The following CCDC91 variants were observed in gnomAD, a reference collection of about 807,000 sequenced individuals.
CCDC91 encodes the protein coiled-coil domain-containing protein 91.
In CCDC91, 48 loss-of-function variants were observed where a neutral mutation model predicts 63.2. The ratio of observed to expected loss-of-function variants is 0.76; its 90% CI spans 0.60 to 0.97. The LOEUF is 0.97. CCDC91 is among the 50% of genes least tolerant of loss of function. The probability of loss-of-function intolerance (pLI) is 0.00; values close to 1 mark genes in which losing one functional copy is unlikely to be tolerated. For synonymous variants in CCDC91, 167 were observed against 165.8 expected, an observed-to-expected ratio of 1.01 and a Z score of -0.06; for missense variants, 500 against 494.6, an observed-to-expected ratio of 1.01 and a Z score of -0.10.
At chr12:28,367,509 G>A (rs1216085161) in intron 7 of CCDC91, among the ~76,000 whole-genome samples, 3 of 152,280 alleles carry the variant, frequency 2.0e-5, no homozygotes, top group South Asian at 4.1e-4. Context: ...TATGATGAAA[G>A]ACCTAAAATT....
intron 12 of CCDC91, among the ~76,000 whole-genome samples, chr12:28,543,092 T>C (rs1331656869): frequency 6.6e-6 from 1 of 152,088 alleles, no homozygotes; most frequent in Non-Finnish European, 1.5e-5. Flanking sequence ...GGCCTCCATC[T>C]TCACATAGAC....
In CCDC91 at chr12:28,201,490, C is replaced by T. The variant is rs1184953897; in HGVS notation, c.-15+10849C>T. ...GGGATGGCGACTGGGAAGAGGCGCT[C>T]GTCACTTCCTAGATGGGATGGCGGC... On this transcript the variant is annotated intron_variant, in intron 1 of 12. Coordinates refer to ENST00000536442, the MANE Select transcript of CCDC91 (RefSeq NM_018318.5). Among the ~76,000 whole-genome samples the T allele has an allele frequency of 1.9e-4, 26 of 133,992 alleles. 2 individuals are homozygous for T. Among genetic ancestry groups the T allele is most frequent in the African/African-American group, 5.2e-4 (19 of 36,668 alleles). The allele number at this position is 133,992 out of a possible 152,430, so 87.9% of individuals were successfully genotyped here. A position where few individuals can be genotyped will look rare whatever the true frequency, so the allele number is the denominator to read the frequency against.
At chr12:28,517,130 T>C (rs1367420868) in intron 12 of CCDC91, among the ~76,000 whole-genome samples, 1 of 151,994 alleles carries the variant, frequency 6.6e-6, no homozygotes, top group Non-Finnish European at 1.5e-5. Context: ...GCTAATCTAT[T>C]TCCTCATCCT....
chr12:28,373,923 G>A (rs991032520), intron 7 of CCDC91, among the ~76,000 whole-genome samples: 2 of 152,146 alleles, frequency 1.3e-5, no homozygotes, highest in African/African-American at 4.8e-5. Flanking sequence ...GCCACCCTAT[G>A]AAGAAGGTGC....
intron 6 of CCDC91, among the ~76,000 whole-genome samples, chr12:28,337,453 A>G (rs1028672819): frequency 6.6e-6 from 1 of 151,800 alleles, no homozygotes; most frequent in Non-Finnish European, 1.5e-5. Flanking sequence ...TATCTAGATC[A>G]TTGTTTTCTT....
chr12:28,245,528 G>A (rs1945672412), intron 1 of CCDC91, among the ~76,000 whole-genome samples: 1 of 151,990 alleles, frequency 6.6e-6, no homozygotes, highest in Admixed American at 6.5e-5. Flanking sequence ...ATCAAAAGCT[G>A]CCTTAAATAA....
chr12:28,518,887 C>T (rs1940260045), intron 12 of CCDC91, among the ~76,000 whole-genome samples: 1 of 152,012 alleles, frequency 6.6e-6, no homozygotes, highest in African/African-American at 2.4e-5. Context: ...CCAATTATCC[C>T]AGCACCATTT....
chr12:28,283,233 T>G (rs1948712021), intron 3 of CCDC91, among the ~76,000 whole-genome samples: 1 of 151,720 alleles, frequency 6.6e-6, no homozygotes, highest in African/African-American at 2.4e-5. Flanking sequence ...TTTTTTTTTT[T>G]TAGTTCTGTG....
chr12:28,325,451 G>A (rs1940898932), intron 6 of CCDC91, among the ~76,000 whole-genome samples: 1 of 151,926 alleles, frequency 6.6e-6, no homozygotes, highest in Non-Finnish European at 1.5e-5. Context: ...TGCTTATGGA[G>A]TAACATGTTA....
intron 4 of CCDC91, among the ~76,000 whole-genome samples, chr12:28,306,056 AACTTT>A (rs1413795758): frequency 6.6e-6 from 1 of 152,066 alleles, no homozygotes; most frequent in African/African-American, 2.4e-5. Context: ...TCATTTATTA[AACTTT>A]ACTTGGCTTT....
intron 3 of CCDC91, among the ~76,000 whole-genome samples, chr12:28,278,182 C>T (rs1167657064): frequency 6.6e-6 from 1 of 151,922 alleles, no homozygotes; most frequent in Non-Finnish European, 1.5e-5. Flanking sequence ...TGTTTAGTTT[C>T]GTCTGTGGCA....
chr12:28,506,050 A>G (rs899420652), intron 12 of CCDC91, among the ~76,000 whole-genome samples: 1 of 152,000 alleles, frequency 6.6e-6, no homozygotes. Flanking sequence ...ACAAATTACT[A>G]AGTCTTATTT....
chr12:28,450,382 G>T lies in CCDC91; in HGVS notation c.888G>T (p.Arg296Ser), dbSNP rs778227431. The T allele has an allele frequency of 1.2e-6, 2 of 1,612,204 alleles. No homozygotes were observed. ...TGGAAAAGTGTTTGGAGGAAGAAAG[G>T]CAAAGAAATAAAGAGGCATTAGTAT... ...EILEKCLEEE[R>S]QRNKEALVSA... Residue 296 changes from arginine (R) to serine (S), a missense_variant, in exon 10 of 13, where the codon AGG becomes AGT. By Grantham distance (110) the Arg-to-Ser change is moderately radical (BLOSUM62 -1). Coordinates refer to ENST00000536442, the MANE Select transcript of CCDC91 (RefSeq NM_018318.5).
Position 28,391,448 on chromosome 12 carries a change from T to C in CCDC91, c.762+37T>C, listed in dbSNP as rs1459896573. 2.4e-6 allele frequency: 3 copies of C among 1,229,838 alleles called. No homozygotes were observed. In the South Asian group the frequency reaches 3.7e-5, roughly 15 times the overall value. 76.2% of individuals were successfully genotyped at this position (1,229,838 alleles called of 1,614,324 possible). On this transcript the variant is annotated intron_variant, in intron 8 of 12. Transcript: ENST00000536442. ...GCACATCCATTATATATTTATACTT[T>C]TCCCCTGACTCTCTCCCCTGAGAGC...
chr12:28,335,765 C>A (rs1221097662), intron 6 of CCDC91, among the ~76,000 whole-genome samples: 1 of 151,952 alleles, frequency 6.6e-6, no homozygotes, highest in Admixed American at 6.6e-5. Context: ...TAGTAGAATT[C>A]TCCCATAAGG....
At chr12:28,281,600 A>G (rs1592193065) in intron 3 of CCDC91, among the ~76,000 whole-genome samples, 2 of 152,212 alleles carry the variant, frequency 1.3e-5, no homozygotes, top group East Asian at 1.9e-4. Flanking sequence ...TCAAAAGGCT[A>G]TCACAGTATT....
intron 12 of CCDC91, among the ~76,000 whole-genome samples, chr12:28,492,091 G>A (rs1952043435): frequency 6.6e-6 from 1 of 151,738 alleles, no homozygotes; most frequent in Non-Finnish European, 1.5e-5. Flanking sequence ...AATGGAGAAT[G>A]AAGTGGTATT....
chr12:28,508,813 C>T (rs184566049), intron 12 of CCDC91, among the ~76,000 whole-genome samples: 1 of 151,888 alleles, frequency 6.6e-6, no homozygotes, highest in Admixed American at 6.6e-5. Context: ...GTAAGTAGGG[C>T]CACTCTTATT....
At chr12:28,371,472 G>C (rs994452665) in intron 7 of CCDC91, among the ~76,000 whole-genome samples, 4 of 152,120 alleles carry the variant, frequency 2.6e-5, no homozygotes, top group Admixed American at 2.0e-4. Context: ...GTGCCAAAAA[G>C]GTTAGGGACT....
Sources: gnomAD v4.1 joint callset for allele counts (sites outside exome capture counted in the v4.1 genomes callset) on GRCh38, gnomAD v4.1.1 for gene constraint, MANE v1.5 for transcripts, NCBI Gene and HGNC (gene_info 2026-07-23, HGNC 2026-07-21) for gene names.